ULK2: variants seen among roughly 807,000 people sequenced by gnomAD.
The protein encoded by ULK2 is serine/threonine-protein kinase ULK2.
ULK2 carries 76 observed loss-of-function variants against 127.5 expected under a neutral mutation model. The ratio of observed to expected loss-of-function variants is 0.60; its 90% CI spans 0.50 to 0.72. The LOEUF (loss-of-function observed/expected upper bound fraction) is 0.72. Among genes scored for constraint, ULK2 ranks in the 30% least tolerant of loss-of-function variants. The pLI is 0.00. For missense variants in ULK2, 1,144 were observed against 1,295.9 expected, an observed-to-expected ratio of 0.88 and a Z score of 1.80; for synonymous variants, 452 against 461.9, an observed-to-expected ratio of 0.98 and a Z score of 0.28.
chr17:19,854,312 T>C (rs950810841), intron 3 of ULK2, among the ~76,000 whole-genome samples: 1 of 151,364 alleles, frequency 6.6e-6, no homozygotes, highest in African/African-American at 2.4e-5. Flanking sequence ...AAGGCATTTC[T>C]AGCTTCCTGA....
At position 19,773,108 on chromosome 17, in the gene ULK2, C is replaced by T. The variant is rs1010733812; in HGVS notation, c.*3241G>A. 1 of 152,232 alleles carries T rather than the reference C, an allele frequency of 6.6e-6. No individual in the cohort carries two copies. Among genetic ancestry groups the T allele is most frequent in the Non-Finnish European group, 1.5e-5 (1 of 68,092 alleles). The allele number at this position is 152,232 out of a possible 1,614,324, so 9.4% of individuals were successfully genotyped here. A position where few individuals can be genotyped will look rare whatever the true frequency, so the allele number is the denominator to read the frequency against. On this transcript the variant is annotated 3_prime_UTR_variant, in exon 27 of 27. Coordinates refer to ENST00000395544, the MANE Select transcript of ULK2 (RefSeq NM_014683.4). ...CCTGACCAACATGGTGAAACCCCAT[C>T]TCCACTAAAAATACGAAAAATAGCT... is the stretch of plus-strand genomic sequence containing the variant.
intron 9 of ULK2, chr17:19,840,391 T>G (rs2041715119): frequency 1.9e-6 from 1 of 519,144 alleles, no homozygotes; most frequent in Non-Finnish European, 3.9e-6. Context: ...AACTCACTCT[T>G]GGGCGCTCTG....
intron 14 of ULK2, among the ~76,000 whole-genome samples, chr17:19,807,006 T>G (rs2087529607): frequency 6.6e-6 from 1 of 152,238 alleles, no homozygotes; most frequent in Admixed American, 6.5e-5. Context: ...CTCTTTGTTT[T>G]AGAAGACTCC....
At chr17:19,801,557 G>C (rs1465032584) in intron 16 of ULK2, among the ~76,000 whole-genome samples, 1 of 152,172 alleles carries the variant, frequency 6.6e-6, no homozygotes, top group Non-Finnish European at 1.5e-5. Flanking sequence ...ACTCCAGCCT[G>C]GGCGACAGAG....
At chr17:19,861,672 C>T (rs1167369153) in intron 3 of ULK2, among the ~76,000 whole-genome samples, 3 of 152,312 alleles carry the variant, frequency 2.0e-5, no homozygotes, top group African/African-American at 7.2e-5. Context: ...AGTTTTGGTA[C>T]TAGGCACTGA....
At position 19,799,523 on chromosome 17, in the gene ULK2, GCCCTGAGGATGC is replaced by G; in HGVS notation, c.1482_1493del (p.Pro496_His499del). ...AGGAGTTTCTACTCCTGGAGTCATG[GCCCTGAGGATGC>G]CCACAGCAGCACTGACTGAATTGCT... On this transcript the variant is annotated inframe_deletion, in exon 17 of 27. Coordinates refer to ENST00000395544, the MANE Select transcript of ULK2 (RefSeq NM_014683.4). 1 of 1,584,740 alleles carries G rather than the reference GCCCTGAGGATGC, an allele frequency of 6.3e-7. No homozygotes were observed. Among genetic ancestry groups the G allele is most frequent in the South Asian group, 1.2e-5 (1 of 85,658 alleles).
At position 19,862,996 on chromosome 17, in the gene ULK2, C is replaced by G. The variant is rs570847004; in HGVS notation, c.225+1807G>C. ...TGGGAGGCAGAGGCAGGAGGATCAC[C>G]TGAGGTCAGGAGTTCGAGACCAGCA... On this transcript the variant is annotated intron_variant, in intron 3 of 26. Transcript: ENST00000395544. 2.0e-5 allele frequency among the ~76,000 whole-genome samples: 3 copies of G among 152,126 alleles called. No homozygotes were observed. The South Asian group carries it at 6.2e-4, about 32-fold the overall frequency.
At chr17:19,826,982 A>G (rs1479009746) in intron 10 of ULK2, among the ~76,000 whole-genome samples, 1 of 151,998 alleles carries the variant, frequency 6.6e-6, no homozygotes, top group East Asian at 1.9e-4. Flanking sequence ...GAAACTACAA[A>G]AACAATACAT....
intron 10 of ULK2, among the ~76,000 whole-genome samples, chr17:19,831,025 G>A (rs2041427473): frequency 6.3e-5 from 2 of 31,740 alleles, no homozygotes; most frequent in Non-Finnish European, 9.4e-5. Flanking sequence ...AGACTCCGTC[G>A]CTAAAAAAAA....
chr17:19,830,586 G>A (rs1162966174), intron 10 of ULK2, among the ~76,000 whole-genome samples: 1 of 149,780 alleles, frequency 6.7e-6, no homozygotes, highest in Non-Finnish European at 1.5e-5. Context: ...AGGGCCGGGC[G>A]CAGTGGTTCA....
At chr17:19,846,976 C>G in intron 5 of ULK2, 66 bp from the exon 6 acceptor site, 1 of 1,470,836 alleles carries the variant, frequency 6.8e-7, no homozygotes, top group African/African-American at 1.4e-5. Context: ...CATATTCCAT[C>G]AACAGGATTG....
intron 22 of ULK2, among the ~76,000 whole-genome samples, 190 bp from the exon 23 acceptor site, chr17:19,782,257 T>C (rs2086935227): frequency 6.6e-6 from 1 of 152,146 alleles, no homozygotes; most frequent in African/African-American, 2.4e-5. Context: ...CAAATATAGG[T>C]ATATGCATGT....
chr17:19,828,743 A>T (rs141922616), intron 10 of ULK2, among the ~76,000 whole-genome samples: 359 of 152,362 alleles, frequency 2.4e-3, no homozygotes, highest in African/African-American at 8.3e-3. Flanking sequence ...AAATGTAAAT[A>T]GATCTCCTTA....
intron 12 of ULK2, among the ~76,000 whole-genome samples, chr17:19,824,729 T>C (rs1009877749): frequency 6.6e-6 from 1 of 152,152 alleles, no homozygotes; most frequent in Non-Finnish European, 1.5e-5. Context: ...AAATCCAAGC[T>C]CATGTCTACG....
chr17:19,857,475 A>C (rs1301988301), intron 3 of ULK2, among the ~76,000 whole-genome samples: 1 of 152,152 alleles, frequency 6.6e-6, no homozygotes, highest in Non-Finnish European at 1.5e-5. Context: ...TTAAGCTTTT[A>C]ATTCATTTGG....
chr17:19,864,762 A>T, intron 3 of ULK2, 41 bp downstream of exon 3: 3 of 966,382 alleles, frequency 3.1e-6, no homozygotes, highest in Non-Finnish European at 4.2e-6. Flanking sequence ...GAAATTAAAA[A>T]AAATTTATTT....
chr17:19,844,454 A>C (rs1053521795), intron 7 of ULK2, among the ~76,000 whole-genome samples: 1 of 152,148 alleles, frequency 6.6e-6, no homozygotes, highest in African/African-American at 2.4e-5. Context: ...TATTTTCCCT[A>C]GTAAATTTCT....
At chr17:19,817,140 T>C (rs915536634) in intron 12 of ULK2, among the ~76,000 whole-genome samples, 1 of 152,236 alleles carries the variant, frequency 6.6e-6, no homozygotes, top group African/African-American at 2.4e-5. Flanking sequence ...CCAAAAATGA[T>C]ACTTAAAAAT....
At chr17:19,866,639 C>G (rs2042356725) in intron 1 of ULK2, among the ~76,000 whole-genome samples, 1 of 152,214 alleles carries the variant, frequency 6.6e-6, no homozygotes, top group Non-Finnish European at 1.5e-5. Flanking sequence ...TTTCCACTCC[C>G]GATATGCCTT....
Sources: allele counts gnomAD v4.1 joint callset (sites outside exome capture counted in the v4.1 genomes callset), GRCh38; gene constraint gnomAD v4.1.1; transcripts MANE v1.5; gene names NCBI Gene and HGNC (gene_info 2026-07-23, HGNC 2026-07-21).